C16orf96: variants seen among roughly 807,000 people sequenced by gnomAD.
The protein encoded by C16orf96 is uncharacterized protein C16orf96.
A neutral mutation model predicts 103.6 loss-of-function variants in C16orf96; 108 were observed. That is an observed-to-expected ratio of 1.04 (90% CI 0.89 to 1.22). The LOEUF is 1.22. Among genes scored for constraint, C16orf96 ranks in the 50% most tolerant of loss-of-function variants. The probability of loss-of-function intolerance (pLI) is 0.00; values close to 1 mark genes in which losing one functional copy is unlikely to be tolerated. For missense variants in C16orf96, 1,586 were observed against 1,464.2 expected, an observed-to-expected ratio of 1.08 and a Z score of -1.36; for synonymous variants, 566 against 593.5, an observed-to-expected ratio of 0.95 and a Z score of 0.67.
At chr16:4,582,348 C>T (rs1015929283) in intron 7 of C16orf96, among the ~76,000 whole-genome samples, 3 of 151,798 alleles carry the variant, frequency 2.0e-5, no homozygotes, top group South Asian at 2.1e-4. Flanking sequence ...AGGTTGTTTC[C>T]GTGAAGGCTT....
At chr16:4,552,673 G>A (rs1425124977), upstream of C16orf96, among the ~76,000 whole-genome samples, 1 of 152,016 alleles carries the variant, frequency 6.6e-6, no homozygotes, top group Non-Finnish European at 1.5e-5. Context: ...TCAATTCCTG[G>A]TGGGTTCCGG....
At chr16:4,553,449 C>T (rs992707991), upstream of C16orf96, among the ~76,000 whole-genome samples, 1 of 152,024 alleles carries the variant, frequency 6.6e-6, no homozygotes, top group African/African-American at 2.4e-5. Context: ...GTGATTCTGG[C>T]TCACTGCAGC....
chr16:4,580,992 C>T (rs11076841), intron 7 of C16orf96, among the ~76,000 whole-genome samples: 21,591 of 150,998 alleles, frequency 0.14, 1,783 homozygotes, highest in South Asian at 0.22. Flanking sequence ...GGCGTGGTGG[C>T]GCATGCCTGT....
In C16orf96 at chr16:4,588,166, G is replaced by C; in HGVS notation, c.2428-1G>C. 6.4e-7 allele frequency: 1 copy of C among 1,550,660 alleles called. No individual in the cohort carries two copies. The highest frequency in any genetic ancestry group is 2.4e-5 in the East Asian group (1 of 40,922). ...CCTCCCTGAACTCCCTGTCTCCCTA[G>C]AAAGCTGACAGGAGTGCCCTGGCAG... On this transcript the variant is annotated splice_acceptor_variant, in intron 8 of 15. Transcript: ENST00000444310. LOFTEE classifies it high-confidence loss of function.
the C16orf96 span, among the ~76,000 whole-genome samples, chr16:4,548,260 G>T: frequency 6.6e-6 from 1 of 152,164 alleles, no homozygotes; most frequent in Non-Finnish European, 1.5e-5. Flanking sequence ...GGCTTGCAGA[G>T]GAGCTGCTTG....
intron 14 of C16orf96, 57 bp downstream of exon 14, chr16:4,594,860 C>A: frequency 3.3e-6 from 5 of 1,518,748 alleles, no homozygotes; most frequent in Non-Finnish European, 4.5e-6. Flanking sequence ...TTCTGCTGGG[C>A]AGGGTGAGAG....
intron 14 of C16orf96, among the ~76,000 whole-genome samples, chr16:4,598,139 C>G (rs1897212115): frequency 6.6e-6 from 1 of 152,022 alleles, no homozygotes; most frequent in Non-Finnish European, 1.5e-5. Context: ...ATCACTTGAG[C>G]CCAGAAGTTC....
intron 1 of C16orf96, among the ~76,000 whole-genome samples, chr16:4,565,095 G>A (rs2059373027): frequency 6.6e-6 from 1 of 152,106 alleles, no homozygotes; most frequent in Non-Finnish European, 1.5e-5. Flanking sequence ...GTTTGCCTTA[G>A]CCCCTTTTTC....
chr16:4,563,915 C>T (rs1488222230), intron 1 of C16orf96, among the ~76,000 whole-genome samples: 1 of 151,558 alleles, frequency 6.6e-6, no homozygotes, highest in Non-Finnish European at 1.5e-5. Context: ...CTAGTGGTAA[C>T]TGCCAGGTGT....
At position 4,593,091 on chromosome 16, in the gene C16orf96, C is replaced by A; in HGVS notation, c.2775-133C>A. On this transcript the variant is annotated intron_variant, in intron 11 of 15. Transcript: ENST00000444310. The surrounding 1 kb of genome is among the most constrained non-coding windows in gnomAD (Gnocchi z 4.2). ...ACTTCTATGCTGTGGACGCTTCTGG[C>A]ATTCGAGGGTGGTGACCTGAGTCTG... 3.8e-6 allele frequency: 3 copies of A among 791,696 alleles called. No individual in the cohort carries two copies. The highest frequency in any genetic ancestry group is 4.1e-6 in the Non-Finnish European group (2 of 483,080). The allele number at this position is 791,696 out of a possible 1,614,324, so 49.0% of individuals were successfully genotyped here.
At chr16:4,583,531 G>A (rs3992822) in intron 7 of C16orf96, among the ~76,000 whole-genome samples, 145,418 of 152,050 alleles carry the variant, frequency 0.96, 69,860 homozygotes, top group East Asian at 1. Flanking sequence ...CTAAAATACA[G>A]TCTTAGGATT....
At chr16:4,587,240 T>C in intron 8 of C16orf96, 127 bp downstream of exon 8, 1 of 920,694 alleles carries the variant, frequency 1.1e-6, no homozygotes, top group Non-Finnish European at 1.7e-6. Context: ...AAACCAGGAG[T>C]TGGCTGGGCG....
upstream of C16orf96, among the ~76,000 whole-genome samples, chr16:4,555,376 CT>C (rs1345478085): frequency 1.4e-5 from 2 of 148,142 alleles, no homozygotes; most frequent in South Asian, 2.2e-4. Flanking sequence ...TCTTCAGATT[CT>C]TTTTTTTTTC....
chr16:4,575,838 C>A lies in C16orf96; in HGVS notation c.1358C>A (p.Ala453Asp), dbSNP rs2059498903. ...SRQGEALQLA[A>D]VQVKGEENDV... is the part of the protein sequence containing the mutation. ...CAGGGAGAAGCCCTCCAGCTCGCAG[C>A]TGTCCAAGTAAAGGGGGAGGAAAAT... is the stretch of plus-strand genomic sequence containing the variant. The change falls in exon 5 of 16, where the codon GCT (alanine) becomes GAT (aspartate). Residue 453 changes from alanine (A) to aspartate (D), a missense_variant. Transcript: ENST00000444310. 1.3e-6 allele frequency: 2 copies of A among 1,551,298 alleles called. No individual in the cohort carries two copies. Among genetic ancestry groups the A allele is most frequent in the Non-Finnish European group, 1.7e-6 (2 of 1,146,990 alleles).
intron 1 of C16orf96, among the ~76,000 whole-genome samples, 190 bp downstream of exon 1, chr16:4,557,099 A>G (rs1160462751): frequency 1.6e-4 from 24 of 152,028 alleles, no homozygotes; most frequent in Admixed American, 1.6e-3. Context: ...CCTCCCTAGT[A>G]GCTAGGATTT....
chr16:4,574,551 A>C lies in C16orf96; in HGVS notation c.526-158A>C, dbSNP rs748095614. On this transcript the variant is annotated intron_variant, in intron 2 of 15. Coordinates refer to ENST00000444310, the MANE Select transcript of C16orf96 (RefSeq NM_001145011.2). ...ATGCTTTCAAGCCCAGCATTTCCCA[A>C]ACTTGTTTGCCCATGGAACCCTTTC... Among the ~76,000 whole-genome samples the C allele has an allele frequency of 4.6e-5, 7 of 152,168 alleles. No individual in the cohort carries two copies. In the South Asian group the frequency reaches 6.2e-4, roughly 14 times the overall value.
chr16:4,596,239 C>T (rs1288377822), intron 14 of C16orf96, among the ~76,000 whole-genome samples: 1 of 152,156 alleles, frequency 6.6e-6, no homozygotes, highest in African/African-American at 2.4e-5. Flanking sequence ...GTAATCCCAG[C>T]ACTTTGGGAG....
rs543698131 is a variant in C16orf96, at chr16:4,580,182, G to C, written c.2352+57G>C. On this transcript the variant is annotated intron_variant, in intron 7 of 15. Transcript: ENST00000444310. ...TGGCAAAGGGAGAATTCCTCACCTA[G>C]ACCTTCTGGCCCTTCCCGAAGGTTC... 2.2e-4 allele frequency: 292 copies of C among 1,352,042 alleles called. 2 individuals are homozygous for C. In the South Asian group the frequency reaches 3.7e-3, roughly 17 times the overall value. The allele number at this position is 1,352,042 out of a possible 1,614,324, so 83.8% of individuals were successfully genotyped here.
At chr16:4,566,302 G>A (rs1447098550) in intron 1 of C16orf96, among the ~76,000 whole-genome samples, 2 of 152,214 alleles carry the variant, frequency 1.3e-5, no homozygotes, top group Non-Finnish European at 2.9e-5. Context: ...CAGCAGCAGT[G>A]TATGAGAATT....
Sources: allele counts gnomAD v4.1 joint callset (sites outside exome capture counted in the v4.1 genomes callset), GRCh38; gene constraint gnomAD v4.1.1; non-coding constraint Gnocchi (gnomAD v3.1); transcripts MANE v1.5; gene names NCBI Gene and HGNC (gene_info 2026-07-23, HGNC 2026-07-21).